Variants in SLC35F4 observed in about 807,000 individuals in gnomAD.
The protein encoded by SLC35F4 is chromosome 14 open reading frame 36.
SLC35F4 carries 24 observed loss-of-function variants against 44.2 expected under a neutral mutation model. The ratio of observed to expected loss-of-function variants is 0.54; its 90% CI spans 0.39 to 0.76. The LOEUF (loss-of-function observed/expected upper bound fraction) is 0.76. SLC35F4 is among the 30% of genes least tolerant of loss of function. The probability of loss-of-function intolerance (pLI) is 0.00; values close to 1 mark genes in which losing one functional copy is unlikely to be tolerated. For synonymous variants in SLC35F4, 238 were observed against 223.6 expected (o/e 1.06, Z -0.57); for missense variants, 562 against 586.1 (o/e 0.96, Z 0.42).
At chr14:57,848,056 T>C (rs118036165) in intron 1 of SLC35F4, among the ~76,000 whole-genome samples, 5 of 152,242 alleles carry the variant, frequency 3.3e-5, no homozygotes, top group Non-Finnish European at 7.4e-5. Context: ...AAGTAGTAAA[T>C]GACTTGTCAG....
intron 1 of SLC35F4, among the ~76,000 whole-genome samples, chr14:57,646,598 G>A (rs550979379): frequency 1.3e-5 from 2 of 152,184 alleles, no homozygotes; most frequent in East Asian, 3.9e-4. Context: ...ATTTTTTGAA[G>A]GGTTTTTTGT....
At chr14:57,863,018 A>G (rs1325861634) in intron 1 of SLC35F4, among the ~76,000 whole-genome samples, 1 of 145,934 alleles carries the variant, frequency 6.9e-6, no homozygotes, top group African/African-American at 2.8e-5. Flanking sequence ...TGCATTAATC[A>G]TCTTTTTTAA....
chr14:57,644,318 T>C (rs184662636), intron 1 of SLC35F4, among the ~76,000 whole-genome samples: 4,064 of 152,306 alleles, frequency 0.027, 80 homozygotes, highest in South Asian at 0.075. Context: ...TTCTAACTAG[T>C]GTGAGATGGT....
intron 1 of SLC35F4, among the ~76,000 whole-genome samples, chr14:57,706,844 C>T (rs34885148): frequency 0.38 from 58,302 of 152,068 alleles, 11,260 homozygotes; most frequent in Middle Eastern, 0.42. Flanking sequence ...GCAACCAAGT[C>T]AAGAATGTGA....
chr14:57,904,579 T>A (rs1889072068), intron 1 of SLC35F4, among the ~76,000 whole-genome samples: 1 of 152,350 alleles, frequency 6.6e-6, no homozygotes, highest in South Asian at 2.1e-4. Flanking sequence ...GGGAGAAACA[T>A]TGAAGTGGGC....
At chr14:57,714,597 C>A (rs760501169) in intron 1 of SLC35F4, among the ~76,000 whole-genome samples, 2 of 152,088 alleles carry the variant, frequency 1.3e-5, no homozygotes, top group African/African-American at 4.8e-5. Flanking sequence ...AGAATGCAAA[C>A]GATATTGCCT....
intron 1 of SLC35F4, among the ~76,000 whole-genome samples, chr14:57,955,327 GC>G (rs1336898664): frequency 6.6e-6 from 1 of 152,126 alleles, no homozygotes; most frequent in Admixed American, 6.5e-5. Flanking sequence ...CAAACCCACA[GC>G]CAGTATCATA....
At chr14:57,818,925 C>A (rs1037019776) in intron 1 of SLC35F4, among the ~76,000 whole-genome samples, 3 of 152,172 alleles carry the variant, frequency 2.0e-5, no homozygotes, top group African/African-American at 7.2e-5. Flanking sequence ...TAATGGCAAG[C>A]ATCACATTGA....
chr14:57,840,648 C>T (rs1197349697), intron 1 of SLC35F4, among the ~76,000 whole-genome samples: 1 of 152,124 alleles, frequency 6.6e-6, no homozygotes, highest in East Asian at 1.9e-4. Flanking sequence ...AACCATCAGA[C>T]CACCTCATTA....
chr14:57,794,165 T>C (rs2077997679), intron 1 of SLC35F4, among the ~76,000 whole-genome samples: 1 of 152,046 alleles, frequency 6.6e-6, no homozygotes, highest in South Asian at 2.1e-4. Flanking sequence ...AAGTTATGAC[T>C]AAGACCCCAA....
At chr14:57,935,369 A>G (rs1889777529) in intron 1 of SLC35F4, among the ~76,000 whole-genome samples, 1 of 152,200 alleles carries the variant, frequency 6.6e-6, no homozygotes, top group Non-Finnish European at 1.5e-5. Flanking sequence ...CTACAGCACA[A>G]CTAGCTACCC....
At chr14:57,687,641 G>A (rs2075105479) in intron 1 of SLC35F4, among the ~76,000 whole-genome samples, 1 of 152,046 alleles carries the variant, frequency 6.6e-6, no homozygotes, top group Non-Finnish European at 1.5e-5. Flanking sequence ...CACCTCCTGT[G>A]CCCTTTATTC....
chr14:57,624,537 T>C (rs1263947517), intron 1 of SLC35F4, among the ~76,000 whole-genome samples: 1 of 152,168 alleles, frequency 6.6e-6, no homozygotes, highest in East Asian at 1.9e-4. Context: ...CTGATGAACA[T>C]TGATGTGAAA....
intron 1 of SLC35F4, among the ~76,000 whole-genome samples, chr14:57,687,532 T>A (rs1014291123): frequency 1.3e-5 from 2 of 152,210 alleles, no homozygotes; most frequent in Non-Finnish European, 2.9e-5. Context: ...CTCTTTTGAA[T>A]TCCAAGCTCC....
intron 1 of SLC35F4, among the ~76,000 whole-genome samples, chr14:57,632,313 C>T (rs1261656948): frequency 6.6e-6 from 1 of 151,816 alleles, no homozygotes; most frequent in Non-Finnish European, 1.5e-5. Flanking sequence ...TGGATCAAAA[C>T]AGGACCCAGC....
chr14:57,894,130 A>G (rs1388584145), intron 1 of SLC35F4, among the ~76,000 whole-genome samples: 2 of 152,110 alleles, frequency 1.3e-5, no homozygotes, highest in African/African-American at 4.8e-5. Context: ...AACAAGCTCA[A>G]ATAAATATAA....
rs571727807 is a variant in SLC35F4 at position 57,767,287 on chromosome 14, C to A, written c.103+98436G>T. Among the ~76,000 whole-genome samples, 17 of 152,268 alleles carry A rather than the reference C, an allele frequency of 1.1e-4. No homozygotes were observed. In the East Asian group the frequency reaches 2.3e-3, roughly 21 times the overall value. Reference sequence around the variant, plus strand: ...CAGTCAATAACAGCAGATTTCAGTTCTTTAAATTTGTTACATGGTCCTATA... The same window carrying A: ...CAGTCAATAACAGCAGATTTCAGTTATTTAAATTTGTTACATGGTCCTATA... On this transcript the variant is annotated intron_variant, in intron 1 of 7. Coordinates refer to ENST00000556826, the MANE Select transcript of SLC35F4 (RefSeq NM_001306087.2).
Position 57,875,577 on chromosome 14 carries a change from C to T in SLC35F4, n.282+106336G>A, listed in dbSNP as rs185709013. ...ACTGAATAGGATAGGCTCTTTCACA[C>T]GTCTAGTGGATGGGAGATTGGGATA... is the stretch of plus-strand genomic sequence containing the variant. On this transcript the variant is annotated intron_variant and non_coding_transcript_variant, in intron 1 of 1. Coordinates refer to the SLC35F4 transcript ENST00000556568. 4.6e-5 allele frequency among the ~76,000 whole-genome samples: 7 copies of T among 152,276 alleles called. No individual in the cohort carries two copies. The East Asian group carries it at 1.2e-3, about 25-fold the overall frequency.
At chr14:57,905,593 T>C (rs1246003568) in intron 1 of SLC35F4, among the ~76,000 whole-genome samples, 3 of 152,194 alleles carry the variant, frequency 2.0e-5, no homozygotes, top group Non-Finnish European at 2.9e-5. Flanking sequence ...CAGGAACTTA[T>C]TGCAAAACTA....
Sources: gnomAD v4.1 joint callset for allele counts (sites outside exome capture counted in the v4.1 genomes callset) on GRCh38, gnomAD v4.1.1 for gene constraint, MANE v1.5 for transcripts, NCBI Gene and HGNC (gene_info 2026-07-23, HGNC 2026-07-21) for gene names.